Variants in COL27A1 observed in about 807,000 individuals in gnomAD.
COL27A1 encodes the protein collagen alpha-1(XXVII) chain.
COL27A1 carries 106 observed loss-of-function variants against 251.3 expected under a neutral mutation model. The ratio of observed to expected loss-of-function variants is 0.42; its 90% CI spans 0.36 to 0.50. COL27A1 has a LOEUF of 0.50. Ranked by LOEUF, COL27A1 falls within the 20% of genes least tolerant of loss-of-function variation. The pLI is 0.00. For synonymous variants in COL27A1, 1,000 were observed against 986.3 expected, an observed-to-expected ratio of 1.01 and a Z score of -0.26; for missense variants, 2,325 against 2,522.8, an observed-to-expected ratio of 0.92 and a Z score of 1.68.
At chr9:114,267,117 C>T (rs143236714) in intron 33 of COL27A1, among the ~76,000 whole-genome samples, 233 of 152,326 alleles carry the variant, frequency 1.5e-3, no homozygotes, top group African/African-American at 4.4e-3. Flanking sequence ...ACCCGCCTCA[C>T]GCTGGCTAAG....
chr9:114,244,773 G>C (rs916197042), intron 23 of COL27A1, among the ~76,000 whole-genome samples: 1 of 152,154 alleles, frequency 6.6e-6, no homozygotes, highest in Non-Finnish European at 1.5e-5. Context: ...CTGAGGTTTC[G>C]GCCTCTCTCC....
chr9:114,155,820 G>C lies in COL27A1; in HGVS notation c.-131G>C, dbSNP rs1210252069. On this transcript the variant is annotated 5_prime_UTR_variant, in exon 1 of 61. Transcript: ENST00000356083. This position sits in a 1 kb window ranked among gnomAD's most constrained non-coding sequence, Gnocchi z 5.5. ...TGCCTGCTCGGGCGCCCCTGGGCGC[G>C]GGGCTGCGCTGGGGGCGCGGGGGCC... 4.0e-6 allele frequency: 3 copies of C among 748,778 alleles called. No homozygotes were observed. The African/African-American group carries it at 5.7e-5, about 14-fold the overall frequency. The allele number at this position is 748,778 out of a possible 1,614,324, so 46.4% of individuals were successfully genotyped here.
At chr9:114,301,396 G>C in intron 53 of COL27A1, 49 bp from the exon 54 acceptor site, 1 of 1,612,574 alleles carries the variant, frequency 6.2e-7, no homozygotes, top group South Asian at 1.1e-5. Context: ...GTTGGGCCAT[G>C]GCTCAGCCAG....
chr9:114,164,348 G>A (rs1848687887), intron 2 of COL27A1, among the ~76,000 whole-genome samples: 1 of 152,170 alleles, frequency 6.6e-6, no homozygotes, highest in South Asian at 2.1e-4. Flanking sequence ...TGCCCTGCAG[G>A]GCTCACAGTG....
In COL27A1 at chr9:114,275,673, G is replaced by C. The variant is rs777915127; in HGVS notation, c.3622G>C (p.Asp1208His). 2.3e-5 allele frequency: 36 copies of C among 1,549,228 alleles called. No individual in the cohort carries two copies. The highest frequency in any genetic ancestry group is 1.2e-4 in the Admixed American group (6 of 50,902). The change falls in exon 37 of 61, where the codon GAC becomes CAC. Residue 1208 changes from aspartate to histidine, a missense_variant. By Grantham distance (81) the Asp-to-His change is moderately conservative. Transcript: ENST00000356083. The part of the protein sequence containing the change: ...GPDGLKGDRG[D>H]PGPDGEHGEK... ...CCCTGCCACCCAGGGGGACAGGGGA[G>C]ACCCAGGGCCTGATGGAGAACATGG...
At position 114,312,403 on chromosome 9, in the gene COL27A1, C is replaced by G. The variant is rs1467484404; in HGVS notation, c.*1708C>G. On this transcript the variant is annotated 3_prime_UTR_variant, in exon 61 of 61. Transcript: ENST00000356083. ...TCTCATTCTTGGGTTTTCCTGCTGTCTTCGTTTACGTCTCTGTCCACATGT... is the reference window on the plus strand; with the variant it reads ...TCTCATTCTTGGGTTTTCCTGCTGTGTTCGTTTACGTCTCTGTCCACATGT... 6.6e-6 allele frequency: 1 copy of G among 152,198 alleles called. No homozygotes were observed. Among genetic ancestry groups the G allele is most frequent in the Non-Finnish European group, 1.5e-5 (1 of 68,054 alleles). The allele number at this position is 152,198 out of a possible 1,614,324, so 9.4% of individuals were successfully genotyped here.
intron 6 of COL27A1, 91 bp downstream of exon 6, chr9:114,194,548 C>A: frequency 8.7e-7 from 1 of 1,142,912 alleles, no homozygotes. Flanking sequence ...CTGCCAGAGG[C>A]CATGCATGGC....
At position 114,282,571 on chromosome 9, in the gene COL27A1, A is replaced by G. The variant is rs774269901; in HGVS notation, c.3879+7A>G. The G allele has an allele frequency of 1.0e-5, 15 of 1,493,752 alleles. No homozygotes were observed. The Admixed American group carries it at 1.3e-4, about 13-fold the overall frequency. The allele number at this position is 1,493,752 out of a possible 1,614,324, so 92.5% of individuals were successfully genotyped here. A position where few individuals can be genotyped will look rare whatever the true frequency, so the allele number is the denominator to read the frequency against. On this transcript the variant is annotated splice_region_variant and intron_variant, in intron 39 of 60. Coordinates refer to ENST00000356083, the MANE Select transcript of COL27A1 (RefSeq NM_032888.4). ...GGGCAGCCTGGGACCAACGGTGAGGACTCTCTGGCTGGGGTGGGGGAGTCA... is the reference window on the plus strand; with the variant it reads ...GGGCAGCCTGGGACCAACGGTGAGGGCTCTCTGGCTGGGGTGGGGGAGTCA...
chr9:114,185,839 T>C (rs531985829), intron 5 of COL27A1, among the ~76,000 whole-genome samples: 75 of 152,348 alleles, frequency 4.9e-4, no homozygotes, highest in African/African-American at 1.8e-3. Context: ...CCCCATGCAG[T>C]CATCCCATCA....
rs531187070 is a variant in COL27A1 at position 114,167,192 on chromosome 9, T to C, written c.134-497T>C. On this transcript the variant is annotated intron_variant, in intron 2 of 60. Transcript: ENST00000356083. ...GAAAAAGGAGTATAACGTGTCATTG[T>C]TGGGCAGCCTCTAACACTCTCAGCA... 2.8e-4 allele frequency among the ~76,000 whole-genome samples: 43 copies of C among 152,324 alleles called. 1 individual carries two copies. Among genetic ancestry groups the C allele is most frequent in the African/African-American group, 8.9e-4 (37 of 41,578 alleles).
intron 12 of COL27A1, among the ~76,000 whole-genome samples, chr9:114,219,564 T>G (rs1588687453): frequency 6.6e-6 from 1 of 152,350 alleles, no homozygotes; most frequent in East Asian, 1.9e-4. Context: ...GGGTATCATT[T>G]TCTTTTCAGA....
rs1849135683 is a variant in COL27A1 at position 114,169,243 on chromosome 9, C to T, written c.1688C>T (p.Ala563Val). The change falls in exon 3 of 61, where the codon GCC (alanine) becomes GTC (valine). Residue 563 changes from alanine to valine, a missense_variant. This residue lies in a region of COL27A1 where 1,183 missense variants were observed against 1,144.1 expected (regional missense o/e 1.03). Transcript: ENST00000356083. ...KPVPLRPGKA[A>V]RDVPLSDLTT... ...GTCCCCCTCAGACCTGGGAAGGCAG[C>T]CAGGGATGTCCCCTTGAGCGATCTG... is the stretch of plus-strand genomic sequence containing the variant. 6.2e-7 allele frequency: 1 copy of T among 1,613,598 alleles called. No individual in the cohort carries two copies. The highest frequency in any genetic ancestry group is 8.5e-7 in the Non-Finnish European group (1 of 1,179,770).
In COL27A1 at chr9:114,242,829, C is replaced by A. The variant is rs974470765; in HGVS notation, c.2880+598C>A. On this transcript the variant is annotated intron_variant, in intron 22 of 60. Transcript: ENST00000356083. ...ATTCATTGAAGATTAATCATAAACT[C>A]ATTTCCTGTTGATAAAAATTATATT... 7.2e-5 allele frequency among the ~76,000 whole-genome samples: 11 copies of A among 152,342 alleles called. No individual in the cohort carries two copies. In the South Asian group the frequency reaches 2.1e-3, roughly 29 times the overall value.
chr9:114,290,170 C>T lies in COL27A1; in HGVS notation c.4261-54C>T, dbSNP rs1827807298. 2.5e-6 allele frequency: 4 copies of T among 1,586,810 alleles called. No individual in the cohort carries two copies. The highest frequency in any genetic ancestry group is 4.5e-5 in the East Asian group (2 of 44,248). ...TCCCTGCCCGCCCCCCACACCCGCC[C>T]TCCTCCCACTCCCTGCACCAAATGC... On this transcript the variant is annotated intron_variant, in intron 46 of 60. Transcript: ENST00000356083. The surrounding 1 kb of genome is among the most constrained non-coding windows in gnomAD (Gnocchi z 4.6).
intron 41 of COL27A1, among the ~76,000 whole-genome samples, chr9:114,285,273 C>T (rs1470745957): frequency 1.3e-5 from 2 of 152,136 alleles, no homozygotes; most frequent in African/African-American, 2.4e-5. Context: ...ATTCCCCACG[C>T]CTTGGCTCAA....
intron 7 of COL27A1, among the ~76,000 whole-genome samples, chr9:114,200,208 C>A (rs1049426243): frequency 7.2e-5 from 11 of 152,190 alleles, no homozygotes; most frequent in Admixed American, 3.9e-4. Flanking sequence ...TCTCAAGAAA[C>A]TTCTCCAGGC....
At chr9:114,194,535 G>A in intron 6 of COL27A1, 78 bp downstream of exon 6, 2 of 1,282,522 alleles carry the variant, frequency 1.6e-6, no homozygotes, top group Non-Finnish European at 2.2e-6. Context: ...AAAGCTAGCT[G>A]TCCTGCCAGA....
At position 114,292,100 on chromosome 9, in the gene COL27A1, A is replaced by G; in HGVS notation, c.4477-3A>G. On this transcript the variant is annotated splice_polypyrimidine_tract_variant and splice_region_variant and intron_variant, in intron 48 of 60. Coordinates refer to ENST00000356083, the MANE Select transcript of COL27A1 (RefSeq NM_032888.4). ...CTGGTAATTTTTTGTGTGTTTCTTT[A>G]AGGGTGAGAGTGGGTTACCCGGACA... is the stretch of plus-strand genomic sequence containing the variant. 3 of 1,554,502 alleles carry G rather than the reference A, an allele frequency of 1.9e-6. No individual in the cohort carries two copies. Among genetic ancestry groups the G allele is most frequent in the Non-Finnish European group, 2.6e-6 (3 of 1,148,604 alleles).
chr9:114,276,973 A>G (rs1835550032), intron 37 of COL27A1, among the ~76,000 whole-genome samples: 1 of 152,256 alleles, frequency 6.6e-6, no homozygotes, highest in Admixed American at 6.5e-5. Flanking sequence ...TCCCAGGCTC[A>G]CACAGTGAGA....
Sources: allele counts gnomAD v4.1 joint callset (sites outside exome capture counted in the v4.1 genomes callset), GRCh38; gene constraint gnomAD v4.1.1; regional missense constraint gnomAD v4.1.1; non-coding constraint Gnocchi (gnomAD v3.1); transcripts MANE v1.5; gene names NCBI Gene and HGNC (gene_info 2026-07-23, HGNC 2026-07-21).